Variants in ERC2 observed in about 807,000 individuals in gnomAD.
ERC2 encodes the protein ERC protein 2.
A neutral mutation model predicts 114.8 loss-of-function variants in ERC2; 42 were observed. The ratio of observed to expected loss-of-function variants is 0.37; its 90% CI spans 0.29 to 0.47. ERC2 has a LOEUF of 0.47. Ranked by LOEUF, ERC2 falls within the 20% of genes least tolerant of loss-of-function variation. The pLI, the probability that ERC2 is intolerant of heterozygous loss-of-function variation, is 0.99. For synonymous variants in ERC2, 454 were observed against 425.5 expected (o/e 1.07, Z -0.82); for missense variants, 939 against 1,150.7 (o/e 0.82, Z 2.66).
intron 6 of ERC2, among the ~76,000 whole-genome samples, chr3:56,138,756 C>T (rs1379959436): frequency 6.6e-6 from 1 of 152,190 alleles, no homozygotes; most frequent in African/African-American, 2.4e-5. Flanking sequence ...TTCCCTATTG[C>T]CTGCTGCATT....
intron 6 of ERC2, among the ~76,000 whole-genome samples, chr3:56,137,881 T>G (rs903308866): frequency 1.3e-5 from 2 of 152,196 alleles, no homozygotes; most frequent in African/African-American, 4.8e-5. Context: ...AATAGCCACA[T>G]GTGGCTACAG....
intron 14 of ERC2, among the ~76,000 whole-genome samples, chr3:55,840,979 G>A (rs2061107151): frequency 6.6e-6 from 1 of 152,088 alleles, no homozygotes; most frequent in South Asian, 2.1e-4. Context: ...GAGGTAGGAG[G>A]AATGGATTAC....
chr3:56,202,747 A>G lies in ERC2; in HGVS notation c.1075-29227T>C, dbSNP rs567067552. On this transcript the variant is annotated intron_variant, in intron 3 of 17. Transcript: ENST00000288221. ...GGAACCTAAAGAAGTTAAACTCATA[A>G]AAACAGACAGTAGAAGGGGACAAAT... is the stretch of plus-strand genomic sequence containing the variant. 2.6e-5 allele frequency among the ~76,000 whole-genome samples: 4 copies of G among 152,300 alleles called. No homozygotes were observed. In the East Asian group the frequency reaches 7.7e-4, roughly 29 times the overall value.
intron 14 of ERC2, among the ~76,000 whole-genome samples, chr3:55,748,767 T>C (rs545074827): frequency 6.6e-6 from 1 of 152,108 alleles, no homozygotes; most frequent in South Asian, 2.1e-4. Flanking sequence ...CCAGTTGCAA[T>C]CAGAAGCTCA....
intron 17 of ERC2, among the ~76,000 whole-genome samples, chr3:55,678,852 C>G (rs922489561): frequency 5.3e-5 from 8 of 152,146 alleles, no homozygotes; most frequent in Non-Finnish European, 1.2e-4. Context: ...TCAATTTTGT[C>G]CTTTGTCTTA....
intron 3 of ERC2, among the ~76,000 whole-genome samples, chr3:56,284,960 C>T (rs1012651248): frequency 1.3e-5 from 2 of 151,128 alleles, no homozygotes; most frequent in African/African-American, 4.9e-5. Context: ...ATCTGCCTGT[C>T]TCTGTCTCTA....
chr3:55,837,094 G>A (rs2060924941), intron 14 of ERC2, among the ~76,000 whole-genome samples: 1 of 152,140 alleles, frequency 6.6e-6, no homozygotes, highest in Admixed American at 6.6e-5. Context: ...TCATTAAAAA[G>A]CCAGGAAACA....
intron 12 of ERC2, among the ~76,000 whole-genome samples, chr3:55,984,015 C>T (rs753355353): frequency 1.1e-4 from 16 of 152,132 alleles, no homozygotes; most frequent in South Asian, 2.1e-4. Context: ...GCAGAGCTGC[C>T]CAATTCTTCC....
chr3:56,222,817 C>T (rs1394014845), intron 3 of ERC2, among the ~76,000 whole-genome samples: 7 of 152,198 alleles, frequency 4.6e-5, no homozygotes, highest in Admixed American at 3.3e-4. Flanking sequence ...CAAAACCATA[C>T]AAAAGCCTCC....
chr3:55,761,284 T>C (rs1397177381), intron 14 of ERC2, among the ~76,000 whole-genome samples: 1 of 152,182 alleles, frequency 6.6e-6, no homozygotes, highest in Non-Finnish European at 1.5e-5. Context: ...TTTATGCAAA[T>C]AAAAATACAG....
chr3:56,381,098 AT>A (rs1296503537), intron 2 of ERC2, among the ~76,000 whole-genome samples: 30 of 152,336 alleles, frequency 2.0e-4, no homozygotes, highest in African/African-American at 7.2e-4. Context: ...GCATTATTTG[AT>A]TATGCCAAGA....
chr3:55,669,489 C>G (rs2061476051), intron 17 of ERC2, among the ~76,000 whole-genome samples: 1 of 152,188 alleles, frequency 6.6e-6, no homozygotes, highest in East Asian at 1.9e-4. Flanking sequence ...GTACAAAGAT[C>G]TAGGGAAAAG....
chr3:55,871,732 A>C lies in ERC2; in HGVS notation c.2564+16657T>G, dbSNP rs182318161. On this transcript the variant is annotated intron_variant, in intron 14 of 17. Transcript: ENST00000288221. ...TCAAAGAATAGAGCCAAAATCAATT[A>C]AGGAATGTGTCAGTGGTGTAATCCT... 2.6e-3 allele frequency among the ~76,000 whole-genome samples: 394 copies of C among 152,342 alleles called. 2 individuals are homozygous for C. Among genetic ancestry groups the C allele is most frequent in the African/African-American group, 9.0e-3 (375 of 41,588 alleles).
intron 3 of ERC2, among the ~76,000 whole-genome samples, chr3:56,202,981 A>C (rs1296212470): frequency 1.3e-5 from 2 of 152,254 alleles, no homozygotes; most frequent in Non-Finnish European, 2.9e-5. Flanking sequence ...AGAAAAAATA[A>C]AATGCATTCC....
intron 2 of ERC2, among the ~76,000 whole-genome samples, chr3:56,329,570 A>G (rs1445969851): frequency 6.6e-6 from 1 of 152,204 alleles, no homozygotes; most frequent in Non-Finnish European, 1.5e-5. Flanking sequence ...GGAGGAAGGG[A>G]AACATCCAAC....
intron 4 of ERC2, among the ~76,000 whole-genome samples, chr3:56,157,718 A>G (rs1298005053): frequency 1.3e-5 from 2 of 151,548 alleles, no homozygotes; most frequent in East Asian, 3.9e-4. Flanking sequence ...ACCACAGATC[A>G]TTCTACATTC....
At chr3:55,812,841 G>GT (rs2059770869) in intron 14 of ERC2, among the ~76,000 whole-genome samples, 1 of 152,258 alleles carries the variant, frequency 6.6e-6, no homozygotes, top group Non-Finnish European at 1.5e-5. Context: ...GTGTTTGTGT[G>GT]TACGTGTGTG....
chr3:55,960,762 G>C (rs1234754268), intron 12 of ERC2, among the ~76,000 whole-genome samples: 1 of 152,152 alleles, frequency 6.6e-6, no homozygotes, highest in Non-Finnish European at 1.5e-5. Context: ...ACTCTCTGCT[G>C]GGCAGCAGAA....
chr3:55,609,665 G>A (rs1387295926), intron 17 of ERC2, among the ~76,000 whole-genome samples: 1 of 152,022 alleles, frequency 6.6e-6, no homozygotes, highest in East Asian at 1.9e-4. Flanking sequence ...TTCGAGGATG[G>A]AATCAATCCA....
Sources: gnomAD v4.1 joint callset for allele counts (sites outside exome capture counted in the v4.1 genomes callset) on GRCh38, gnomAD v4.1.1 for gene constraint, MANE v1.5 for transcripts, NCBI Gene and HGNC (gene_info 2026-07-23, HGNC 2026-07-21) for gene names.